The following SLC24A2 variants were observed in gnomAD, a reference collection of about 807,000 sequenced individuals.
SLC24A2 encodes solute carrier family 24 member 2.
SLC24A2 carries 36 observed loss-of-function variants against 62.0 expected under a neutral mutation model. The observed-to-expected ratio is 0.58, with a 90% CI of 0.44 to 0.77. The LOEUF is 0.77. Ranked by LOEUF, SLC24A2 falls within the 30% of genes least tolerant of loss-of-function variation. The pLI, the probability that SLC24A2 is intolerant of heterozygous loss-of-function variation, is 0.00. For missense variants in SLC24A2, 846 were observed against 817.9 expected (o/e 1.03, Z -0.42); for synonymous variants, 358 against 294.0 (o/e 1.22, Z -2.23).
the SLC24A2 span, among the ~76,000 whole-genome samples, chr9:19,813,482 T>C: frequency 6.6e-6 from 1 of 151,914 alleles, no homozygotes; most frequent in Non-Finnish European, 1.5e-5. Context: ...CATGTCTGGC[T>C]AATTTTTGTG....
At chr9:19,743,009 T>A (rs555875079) in intron 2 of SLC24A2, among the ~76,000 whole-genome samples, 2 of 148,524 alleles carry the variant, frequency 1.3e-5, no homozygotes. Context: ...AGGATCCTTA[T>A]GTTACTGTTT....
the SLC24A2 span, among the ~76,000 whole-genome samples, chr9:20,147,944 T>C: frequency 1.3e-5 from 2 of 152,084 alleles, no homozygotes; most frequent in African/African-American, 2.4e-5. Context: ...AATGAGGTAA[T>C]GTATAGGAGA....
At chr9:19,534,225 T>G (rs1339433453) in intron 8 of SLC24A2, among the ~76,000 whole-genome samples, 3 of 152,184 alleles carry the variant, frequency 2.0e-5, no homozygotes, top group Non-Finnish European at 2.9e-5. Context: ...TCAGGGGACT[T>G]GGGTTCAAAT....
intron 4 of SLC24A2, among the ~76,000 whole-genome samples, chr9:19,618,247 C>G (rs910885286): frequency 6.6e-6 from 1 of 152,178 alleles, no homozygotes; most frequent in African/African-American, 2.4e-5. Flanking sequence ...TCTCTTTACT[C>G]CCTTCTCTGG....
intron 7 of SLC24A2, among the ~76,000 whole-genome samples, chr9:19,571,490 G>A (rs996667502): frequency 6.6e-6 from 1 of 151,828 alleles, no homozygotes; most frequent in African/African-American, 2.4e-5. Context: ...TCAGCTCATT[G>A]GGGGAAGTTC....
At chr9:20,288,563 G>T in the SLC24A2 span, among the ~76,000 whole-genome samples, 1 of 152,164 alleles carries the variant, frequency 6.6e-6, no homozygotes, top group South Asian at 2.1e-4. Flanking sequence ...GAGGCCAGGA[G>T]TTTGAGACCA....
chr9:19,787,791 C>A (rs1369043570), intron 1 of SLC24A2, among the ~76,000 whole-genome samples: 1 of 152,146 alleles, frequency 6.6e-6, no homozygotes, highest in Non-Finnish European at 1.5e-5. Context: ...TCAAAGAACT[C>A]CCAATGCAGT....
intron 7 of SLC24A2, among the ~76,000 whole-genome samples, chr9:19,560,729 G>T (rs1004794353): frequency 6.6e-5 from 10 of 152,088 alleles, no homozygotes; most frequent in African/African-American, 2.2e-4. Flanking sequence ...TTTTTCAAAG[G>T]TCTCATTTTT....
At chr9:20,172,932 T>C in the SLC24A2 span, among the ~76,000 whole-genome samples, 3 of 151,914 alleles carry the variant, frequency 2.0e-5, no homozygotes, top group Admixed American at 1.3e-4. Context: ...CAAAAATCCT[T>C]AACAAAATAC....
the SLC24A2 span, among the ~76,000 whole-genome samples, chr9:20,113,164 C>A: frequency 2.6e-5 from 4 of 152,234 alleles, no homozygotes; most frequent in African/African-American, 4.8e-5. Context: ...GGCTCTCCCC[C>A]AGGACTGGTC....
intron 7 of SLC24A2, among the ~76,000 whole-genome samples, chr9:19,558,188 A>T (rs1489510868): frequency 6.6e-6 from 1 of 152,180 alleles, no homozygotes; most frequent in Admixed American, 6.6e-5. Context: ...CCACGGCAGC[A>T]TTGAAAGTGA....
chr9:20,048,143 T>C, the SLC24A2 span, among the ~76,000 whole-genome samples: 5 of 152,332 alleles, frequency 3.3e-5, no homozygotes, highest in African/African-American at 9.6e-5. Flanking sequence ...CAATGCTAAG[T>C]GTTTTAAACA....
the SLC24A2 span, among the ~76,000 whole-genome samples, chr9:19,844,091 A>G: frequency 1.3e-5 from 2 of 152,180 alleles, no homozygotes; most frequent in African/African-American, 4.8e-5. Flanking sequence ...GTTCTTTGAG[A>G]AATCTCCAAA....
chr9:19,569,843 G>C (rs958743794), intron 7 of SLC24A2, among the ~76,000 whole-genome samples: 9 of 152,058 alleles, frequency 5.9e-5, no homozygotes, highest in Non-Finnish European at 1.0e-4. Flanking sequence ...TGATTTTTCT[G>C]TTTCTGAAAC....
At chr9:20,103,290 C>A in the SLC24A2 span, among the ~76,000 whole-genome samples, 1 of 152,198 alleles carries the variant, frequency 6.6e-6, no homozygotes, top group Non-Finnish European at 1.5e-5. Context: ...AACAAAAAGG[C>A]AGCAGTAACC....
the SLC24A2 span, among the ~76,000 whole-genome samples, chr9:20,273,148 A>T: frequency 6.6e-6 from 1 of 152,342 alleles, no homozygotes; most frequent in Admixed American, 6.5e-5. Flanking sequence ...GATGGAGCAC[A>T]GGACACACTG....
At chr9:20,008,873 A>G in the SLC24A2 span, among the ~76,000 whole-genome samples, 4 of 152,138 alleles carry the variant, frequency 2.6e-5, no homozygotes, top group East Asian at 7.7e-4. Context: ...AGACGGGAAG[A>G]ATAGGAGTTC....
chr9:19,998,073 T>C, the SLC24A2 span, among the ~76,000 whole-genome samples: 8,102 of 152,280 alleles, frequency 0.053, 702 homozygotes, highest in African/African-American at 0.18. Flanking sequence ...TCTCACTATT[T>C]AGCACTTACT....
chr9:20,190,318 A>T, the SLC24A2 span, among the ~76,000 whole-genome samples: 2 of 152,148 alleles, frequency 1.3e-5, no homozygotes, highest in Non-Finnish European at 2.9e-5. Flanking sequence ...CAATCCTTTT[A>T]GGGCCCATCC....
Sources: allele counts gnomAD v4.1 joint callset (sites outside exome capture counted in the v4.1 genomes callset), GRCh38; gene constraint gnomAD v4.1.1; transcripts MANE v1.5; gene names NCBI Gene and HGNC (gene_info 2026-07-23, HGNC 2026-07-21).